SERPINB5: variants seen among roughly 807,000 people sequenced by gnomAD.
SERPINB5 encodes the protein serpin B5.
SERPINB5 carries 27 observed loss-of-function variants against 32.2 expected under a neutral mutation model. That is an observed-to-expected ratio of 0.84 (90% confidence interval 0.62 to 1.16). The LOEUF (loss-of-function observed/expected upper bound fraction) is 1.16. SERPINB5 is among the 50% of genes most tolerant of loss of function. The probability of loss-of-function intolerance (pLI) is 0.00; values close to 1 mark genes in which losing one functional copy is unlikely to be tolerated. For missense variants in SERPINB5, 388 were observed against 436.3 expected (o/e 0.89, Z 0.99); for synonymous variants, 154 against 157.4 (o/e 0.98, Z 0.16).
chr18:63,486,208 GCTCTGAAGAGTTGGAGAAGATT>G (rs1476398724), intron 2 of SERPINB5, among the ~76,000 whole-genome samples: 5 of 152,184 alleles, frequency 3.3e-5, no homozygotes, highest in Middle Eastern at 3.2e-3. Context: ...AGGAAAGGAG[GCTCTGAAGAGTTGGAGAAGATT>G]CTCTGAAGAG....
chr18:63,484,484 T>G lies in SERPINB5; in HGVS notation c.56T>G (p.Leu19Arg). 1 of 1,614,184 alleles carries G rather than the reference T, an allele frequency of 6.2e-7. No individual in the cohort carries two copies. Among genetic ancestry groups the G allele is most frequent in the South Asian group, 1.1e-5 (1 of 91,076 alleles). The change falls in exon 2 of 7, where the codon CTA becomes CGA. Residue 19 changes from leucine (L) to arginine (R), a missense_variant. By Grantham distance (102) the Leu-to-Arg change is moderately radical. Transcript: ENST00000382771. ...TTTGCCGTTGATCTGTTCAAACAACTATGTGAAAAGGAGCCACTGGGCAAT... is the reference window on the plus strand; with the variant it reads ...TTTGCCGTTGATCTGTTCAAACAACGATGTGAAAAGGAGCCACTGGGCAAT... ...SAFAVDLFKQ[L>R]CEKEPLGNVL... is the part of the protein sequence containing the mutation.
chr18:63,479,766 A>C (rs1917096591), intron 1 of SERPINB5, among the ~76,000 whole-genome samples: 1 of 152,182 alleles, frequency 6.6e-6, no homozygotes, highest in South Asian at 2.1e-4. Flanking sequence ...GTTAATACTT[A>C]CTAGATGAAA....
chr18:63,484,739 A>ATTTTTTTTTTTTT (rs1474564506), intron 2 of SERPINB5, 143 bp downstream of exon 2: 7 of 144,832 alleles, frequency 4.8e-5, no homozygotes, highest in Admixed American at 2.4e-4. Context: ...GACTCTCTTA[A>ATTTTTTTTTTTTT]TCTTTTTTTT....
intron 6 of SERPINB5, 34 bp downstream of exon 6, chr18:63,499,321 C>A: frequency 6.9e-7 from 1 of 1,445,624 alleles, no homozygotes; most frequent in Non-Finnish European, 9.2e-7. Context: ...CACAAAGGCA[C>A]CCCCTGCCTT....
At chr18:63,500,262 CT>C (rs1909544164) in intron 6 of SERPINB5, among the ~76,000 whole-genome samples, 1 of 148,752 alleles carries the variant, frequency 6.7e-6, no homozygotes, top group Admixed American at 6.8e-5. Context: ...TGGGATCTCA[CT>C]GTGTTGTCCA....
intron 1 of SERPINB5, among the ~76,000 whole-genome samples, chr18:63,479,814 A>G (rs1917097422): frequency 6.6e-6 from 1 of 152,192 alleles, no homozygotes; most frequent in East Asian, 1.9e-4. Context: ...TAAGTGGCAG[A>G]AAGGGAACAA....
intron 3 of SERPINB5, among the ~76,000 whole-genome samples, chr18:63,488,893 G>A (rs1917256466): frequency 6.6e-6 from 1 of 152,136 alleles, no homozygotes; most frequent in African/African-American, 2.4e-5. Flanking sequence ...AAGGTCTCAG[G>A]TGATGCTGTA....
chr18:63,493,497 T>C, intron 5 of SERPINB5: 1 of 412,990 alleles, frequency 2.4e-6, no homozygotes, highest in African/African-American at 2.0e-5. Context: ...TTAACTTCTC[T>C]AACATCTCAT....
At chr18:63,484,222 AG>A (rs1427012368) in intron 1 of SERPINB5, among the ~76,000 whole-genome samples, 199 bp from the exon 2 acceptor site, 3 of 152,248 alleles carry the variant, frequency 2.0e-5, no homozygotes, top group Non-Finnish European at 2.9e-5. Context: ...CTGGACACAC[AG>A]AGGACCTCAC....
In SERPINB5 at chr18:63,498,358, G is replaced by A. The variant is rs138775163; in HGVS notation, c.568-762G>A. Reference sequence around the variant, plus strand: ...TCCCAAGGTGCAGGATTACAGGCATGAGGCACCGTGCCCAGCCAGTTTTTG... The same window carrying A: ...TCCCAAGGTGCAGGATTACAGGCATAAGGCACCGTGCCCAGCCAGTTTTTG... On this transcript the variant is annotated intron_variant, in intron 5 of 6. Coordinates refer to ENST00000382771, the MANE Select transcript of SERPINB5 (RefSeq NM_002639.5). This position sits in a 1 kb window ranked among gnomAD's most constrained non-coding sequence, Gnocchi z 4.2. Among the ~76,000 whole-genome samples, 3 of 152,262 alleles carry A rather than the reference G, an allele frequency of 2.0e-5. No individual in the cohort carries two copies. Among genetic ancestry groups the A allele is most frequent in the Non-Finnish European group, 4.4e-5 (3 of 68,006 alleles).
Position 63,503,884 on chromosome 18 carries a change from T to A in SERPINB5, c.*162T>A. 1 of 270,052 alleles carries A rather than the reference T, an allele frequency of 3.7e-6. No homozygotes were observed. The highest frequency in any genetic ancestry group is 6.0e-6 in the Non-Finnish European group (1 of 166,814). 16.7% of individuals were successfully genotyped at this position (270,052 alleles called of 1,614,324 possible). ...TATGTAGCCTTCACACAGATAGACC[T>A]TTTTTTTTTTTCCAATTCTATCTTT... On this transcript the variant is annotated 3_prime_UTR_variant, in exon 7 of 7. Coordinates refer to ENST00000382771, the MANE Select transcript of SERPINB5 (RefSeq NM_002639.5).
chr18:63,481,262 T>C (rs1555670091), intron 1 of SERPINB5, among the ~76,000 whole-genome samples: 1 of 152,168 alleles, frequency 6.6e-6, no homozygotes, highest in Non-Finnish European at 1.5e-5. Context: ...TTTAGTGAAA[T>C]AAAATGGTAA....
At chr18:63,495,417 A>G (rs1040797458) in intron 5 of SERPINB5, among the ~76,000 whole-genome samples, 8 of 152,182 alleles carry the variant, frequency 5.3e-5, no homozygotes, top group Admixed American at 2.0e-4. Flanking sequence ...GCTGTCATAG[A>G]GTGACCCTTC....
chr18:63,486,581 G>A (rs1917218016), intron 2 of SERPINB5: 1 of 176,318 alleles, frequency 5.7e-6, no homozygotes, highest in Admixed American at 5.8e-5. Flanking sequence ...TGTTCTCGAT[G>A]GTTGATTTGG....
intron 1 of SERPINB5, among the ~76,000 whole-genome samples, chr18:63,479,126 A>G (rs1917084003): frequency 6.6e-6 from 1 of 152,168 alleles, no homozygotes; most frequent in South Asian, 2.1e-4. Flanking sequence ...CACGCCCGTG[A>G]TGTGTGGGTG....
At chr18:63,485,924 C>G (rs1025925206) in intron 2 of SERPINB5, 12 of 151,750 alleles carry the variant, frequency 7.9e-5, no homozygotes, top group African/African-American at 2.7e-4. Flanking sequence ...AGTTATGGAG[C>G]GAGGAGGGTG....
At chr18:63,501,681 T>A (rs1347074921) in intron 6 of SERPINB5, among the ~76,000 whole-genome samples, 2 of 152,222 alleles carry the variant, frequency 1.3e-5, no homozygotes, top group Non-Finnish European at 2.9e-5. Context: ...GTGTTCCTAT[T>A]TCTCCATATC....
rs1917227980 is a variant in SERPINB5 at position 63,487,093 on chromosome 18, T to C, written c.306+10T>C. 6.2e-7 allele frequency: 1 copy of C among 1,612,168 alleles called. No homozygotes were observed. The highest frequency in any genetic ancestry group is 8.5e-7 in the Non-Finnish European group (1 of 1,179,188). On this transcript the variant is annotated intron_variant, in intron 3 of 6. Transcript: ENST00000382771. ...TCTGAATCTTTCTACAGTAAGTTGT[T>C]TAAAGCAAGTAGCAAGACTTAACTT...
chr18:63,482,129 T>C (rs764842392), intron 1 of SERPINB5, among the ~76,000 whole-genome samples: 1 of 152,160 alleles, frequency 6.6e-6, no homozygotes, highest in Non-Finnish European at 1.5e-5. Flanking sequence ...TCGATTTAAG[T>C]CCATCCTACA....
Sources: allele counts gnomAD v4.1 joint callset (sites outside exome capture counted in the v4.1 genomes callset), GRCh38; gene constraint gnomAD v4.1.1; non-coding constraint Gnocchi (gnomAD v3.1); transcripts MANE v1.5; gene names NCBI Gene and HGNC (gene_info 2026-07-23, HGNC 2026-07-21).